ERG: variants seen among roughly 807,000 people sequenced by gnomAD.
ERG encodes transcriptional regulator ERG.
In ERG, 9 loss-of-function variants were observed where a neutral mutation model predicts 55.3. The observed-to-expected ratio is 0.16, with a 90% CI of 0.10 to 0.28. ERG has a LOEUF of 0.28. Among genes scored for constraint, ERG ranks in the 10% least tolerant of loss-of-function variants. The pLI is 1.00. For synonymous variants in ERG, 223 were observed against 237.3 expected, an observed-to-expected ratio of 0.94 and a Z score of 0.55; for missense variants, 434 against 631.6, an observed-to-expected ratio of 0.69 and a Z score of 3.35.
intron 1 of ERG, among the ~76,000 whole-genome samples, chr21:38,651,258 A>T (rs1015398011): frequency 6.6e-6 from 1 of 152,238 alleles, no homozygotes. Context: ...TTCTATTGCT[A>T]TCATATCTGG....
At chr21:38,376,187 T>G (rs561422089), downstream of ERG, among the ~76,000 whole-genome samples, 1 of 152,306 alleles carries the variant, frequency 6.6e-6, no homozygotes, top group Admixed American at 6.5e-5. Flanking sequence ...AAATGCCCTA[T>G]GTCACATTAG....
At chr21:38,532,464 T>C (rs1379514866) in intron 2 of ERG, among the ~76,000 whole-genome samples, 1 of 152,220 alleles carries the variant, frequency 6.6e-6, no homozygotes, top group African/African-American at 2.4e-5. Context: ...CTTGACACCT[T>C]GTGTTATCCC....
downstream of ERG, among the ~76,000 whole-genome samples, chr21:38,378,607 G>C (rs979103088): frequency 2.0e-5 from 3 of 152,182 alleles, no homozygotes; most frequent in Non-Finnish European, 4.4e-5. Flanking sequence ...TACTTGACAT[G>C]GTCCTGGGTT....
intron 2 of ERG, among the ~76,000 whole-genome samples, chr21:38,433,115 C>T (rs996429622): frequency 3.3e-5 from 5 of 152,214 alleles, no homozygotes; most frequent in Non-Finnish European, 1.5e-5. Context: ...ATAGTCATCT[C>T]AATTTGCAGT....
rs1465734402 is a variant in ERG, at chr21:38,403,543, G to A, written c.555C>T (p.Ala185=). Residue 185 remains alanine (A), a synonymous_variant, in exon 4 of 10, where the codon GCC becomes GCT. Coordinates refer to ENST00000288319, the MANE Select transcript of ERG (RefSeq NM_182918.4). ...AGTGGAGATGTGAGAGAAGGATGTC[G>A]GCGTTGTAGCTGGGGGTGAGCCTCT... ...DFQRLTPSYN[A]DILLSHLHYL... The A allele has an allele frequency of 9.9e-6, 16 of 1,614,156 alleles. No homozygotes were observed. Among genetic ancestry groups the A allele is most frequent in the East Asian group, 2.2e-5 (1 of 44,886 alleles).
intron 1 of ERG, among the ~76,000 whole-genome samples, chr21:38,465,298 G>T (rs975002395): frequency 1.3e-5 from 2 of 152,110 alleles, no homozygotes; most frequent in African/African-American, 4.8e-5. Flanking sequence ...GAGAAAAGCC[G>T]ATCTGAAAAG....
chr21:38,547,044 T>C lies in ERG; in HGVS notation c.-41+28618A>G, dbSNP rs139201493. 1.7e-4 allele frequency among the ~76,000 whole-genome samples: 26 copies of C among 152,302 alleles called. No homozygotes were observed. In the East Asian group the frequency reaches 2.7e-3, roughly 16 times the overall value. ...CCTGTCTGTAGGTCACTTCCTGCCA[T>C]TTCCTTTGAGTGGGAATATGAGCCA... On this transcript the variant is annotated intron_variant, in intron 2 of 8. Transcript: ENST00000398897.
Position 38,460,335 on chromosome 21 carries a change from C to T in ERG, c.19-14714G>A, listed in dbSNP as rs371945927. ...CAGAGAGAAGTGGAGTCTCTCTAGC[C>T]GTCTTGGCTAAAAGCCCGGGAATTG... is the stretch of plus-strand genomic sequence containing the variant. On this transcript the variant is annotated intron_variant, in intron 1 of 9. Transcript: ENST00000288319. The surrounding 1 kb of genome is among the most constrained non-coding windows in gnomAD (Gnocchi z 5.0). Among the ~76,000 whole-genome samples the T allele has an allele frequency of 2.0e-4, 31 of 152,294 alleles. No individual in the cohort carries two copies. The highest frequency in any genetic ancestry group is 7.7e-4 in the East Asian group (4 of 5,186).
chr21:38,559,734 T>A (rs1361892764), intron 2 of ERG, among the ~76,000 whole-genome samples: 1 of 152,120 alleles, frequency 6.6e-6, no homozygotes, highest in African/African-American at 2.4e-5. Context: ...CAGGCTGGAG[T>A]GCCATGGCAC....
intron 1 of ERG, among the ~76,000 whole-genome samples, chr21:38,464,723 A>T (rs1337743580): frequency 6.7e-6 from 1 of 149,662 alleles, no homozygotes; most frequent in African/African-American, 2.5e-5. Context: ...CTACCCTCCT[A>T]CCCCCCGAGA....
intron 1 of ERG, among the ~76,000 whole-genome samples, chr21:38,488,131 C>T (rs2059303698): frequency 1.3e-5 from 2 of 152,096 alleles, no homozygotes; most frequent in African/African-American, 4.8e-5. Flanking sequence ...CCCAGACTTC[C>T]TGGGGTGAGA....
intron 2 of ERG, among the ~76,000 whole-genome samples, chr21:38,550,260 A>G (rs1487667207): frequency 1.3e-5 from 2 of 152,136 alleles, no homozygotes; most frequent in African/African-American, 4.8e-5. Flanking sequence ...GAAGGAGTCA[A>G]TCTGCTGGGG....
chr21:38,500,296 C>T (rs2059411727), upstream of ERG, among the ~76,000 whole-genome samples: 2 of 152,218 alleles, frequency 1.3e-5, no homozygotes, highest in South Asian at 4.1e-4. Context: ...CCTGTGTGGT[C>T]CCGCCTCACC....
At chr21:38,645,979 T>G (rs2836589) in intron 1 of ERG, among the ~76,000 whole-genome samples, 2,107 of 152,150 alleles carry the variant, frequency 0.014, 51 homozygotes, top group African/African-American at 0.049. Flanking sequence ...GCAACCATTC[T>G]CTTAGAAACC....
At chr21:38,368,432 T>G in the ERG span, among the ~76,000 whole-genome samples, 1 of 152,224 alleles carries the variant, frequency 6.6e-6, no homozygotes, top group Non-Finnish European at 1.5e-5. Context: ...TGGATATACC[T>G]GCATTGGCTA....
intron 1 of ERG, among the ~76,000 whole-genome samples, chr21:38,612,749 C>T (rs552089452): frequency 9.8e-4 from 149 of 151,714 alleles, no homozygotes; most frequent in Non-Finnish European, 1.8e-3. Flanking sequence ...CTGCAACCTC[C>T]GCCTCCTGGG....
intron 1 of ERG, chr21:38,471,672 C>T (rs932992718): frequency 6.6e-6 from 1 of 152,116 alleles, no homozygotes; most frequent in Non-Finnish European, 1.5e-5. Context: ...AAAATGTATT[C>T]AAATCATTGC....
At chr21:38,371,047 A>G in the ERG span, among the ~76,000 whole-genome samples, 1 of 152,028 alleles carries the variant, frequency 6.6e-6, no homozygotes, top group Non-Finnish European at 1.5e-5. Context: ...ATCCATGTAC[A>G]TGATCCATCA....
At chr21:38,371,245 C>T in the ERG span, among the ~76,000 whole-genome samples, 1 of 151,784 alleles carries the variant, frequency 6.6e-6, no homozygotes, top group Non-Finnish European at 1.5e-5. Context: ...AATTTTGATT[C>T]CAACAATTTT....
Sources: allele counts gnomAD v4.1 joint callset (sites outside exome capture counted in the v4.1 genomes callset), GRCh38; gene constraint gnomAD v4.1.1; non-coding constraint Gnocchi (gnomAD v3.1); transcripts MANE v1.5; gene names NCBI Gene and HGNC (gene_info 2026-07-23, HGNC 2026-07-21).